CEP126: variants seen among roughly 807,000 people sequenced by gnomAD.
The protein encoded by CEP126 is centrosomal protein of 126 kDa.
CEP126 carries 74 observed loss-of-function variants against 107.8 expected under a neutral mutation model. The observed-to-expected ratio is 0.69, with a 90% confidence interval of 0.57 to 0.83. The LOEUF (loss-of-function observed/expected upper bound fraction) is 0.83, where lower values mean the gene tolerates loss of function less well. CEP126 is among the 40% of genes least tolerant of loss of function. The pLI, the probability that CEP126 is intolerant of heterozygous loss-of-function variation, is 0.00. For missense variants in CEP126, 1,237 were observed against 1,281.9 expected (o/e 0.96, Z 0.53); for synonymous variants, 449 against 446.0 (o/e 1.01, Z -0.08).
Position 101,963,575 on chromosome 11 carries a change from A to G in CEP126, c.2540A>G (p.Glu847Gly), listed in dbSNP as rs539603536. ...AATTCAAAACATGTGCTTCCAACAG[A>G]ACACAGTTTGAATCAGTGGAATCAG... ...SFNSKHVLPT[E>G]HSLNQWNQES... Residue 847 changes from glutamate to glycine, a missense_variant, in exon 6 of 11, where the codon GAA (glutamate) becomes GGA (glycine). Coordinates refer to ENST00000263468, the MANE Select transcript of CEP126 (RefSeq NM_020802.4). 2.3e-5 allele frequency: 37 copies of G among 1,614,074 alleles called. No individual in the cohort carries two copies. In the Middle Eastern group the frequency reaches 8.2e-4, roughly 36 times the overall value.
At chr11:101,917,071 T>C (rs1206122331) in intron 1 of CEP126, among the ~76,000 whole-genome samples, 2 of 143,316 alleles carry the variant, frequency 1.4e-5, no homozygotes, top group Non-Finnish European at 3.0e-5. Context: ...TGTGTGTGTG[T>C]GTGTGCTGGT....
intron 6 of CEP126, among the ~76,000 whole-genome samples, chr11:101,971,469 A>G (rs1368648839): frequency 1.3e-5 from 2 of 152,244 alleles, no homozygotes; most frequent in Non-Finnish European, 2.9e-5. Context: ...AGTTAAGTTC[A>G]GTTTAGCAGA....
At chr11:101,977,834 A>T (rs1408176264) in intron 6 of CEP126, among the ~76,000 whole-genome samples, 1 of 152,088 alleles carries the variant, frequency 6.6e-6, no homozygotes, top group Non-Finnish European at 1.5e-5. Flanking sequence ...ATTTTAGTAC[A>T]TTGCAGGAAG....
chr11:101,994,955 G>A (rs4754827), intron 10 of CEP126, among the ~76,000 whole-genome samples: 8,940 of 150,406 alleles, frequency 0.059, 483 homozygotes, highest in East Asian at 0.27. Context: ...TACATGTCCC[G>A]TGGTGGTTTG....
intron 2 of CEP126, among the ~76,000 whole-genome samples, chr11:101,937,718 C>A (rs113786246): frequency 1.3e-5 from 2 of 151,954 alleles, no homozygotes; most frequent in South Asian, 2.1e-4. Context: ...CTCTTTTAAA[C>A]GTTTGACAAA....
chr11:101,941,679 T>C (rs1018231796), intron 2 of CEP126, among the ~76,000 whole-genome samples: 4 of 152,172 alleles, frequency 2.6e-5, no homozygotes, highest in Non-Finnish European at 5.9e-5. Flanking sequence ...TTTTATCATA[T>C]GGTAATTCTA....
intron 4 of CEP126, among the ~76,000 whole-genome samples, chr11:101,957,625 G>C (rs922064485): frequency 7.1e-6 from 1 of 140,186 alleles, no homozygotes; most frequent in Non-Finnish European, 1.6e-5. Flanking sequence ...TGAGTACTTG[G>C]CCTCCATTGA....
At chr11:101,989,034 C>T (rs1250428438) in intron 9 of CEP126, among the ~76,000 whole-genome samples, 14 of 151,928 alleles carry the variant, frequency 9.2e-5, no homozygotes, top group Admixed American at 8.5e-4. Context: ...TGTAAGTAAA[C>T]GTACAACCTT....
intron 7 of CEP126, among the ~76,000 whole-genome samples, chr11:101,981,679 C>T (rs1355808598): frequency 1.3e-5 from 2 of 152,072 alleles, no homozygotes; most frequent in Non-Finnish European, 2.9e-5. Context: ...TTTTTGTGGA[C>T]ATAAAACATT....
intron 2 of CEP126, 82 bp downstream of exon 2, chr11:101,922,842 T>C: frequency 2.8e-6 from 3 of 1,082,426 alleles, no homozygotes; most frequent in Non-Finnish European, 4.0e-6. Flanking sequence ...TAGCACTTTA[T>C]GAAACTAAGT....
chr11:101,987,169 C>T (rs1941326426), intron 9 of CEP126, 128 bp downstream of exon 9: 1 of 626,626 alleles, frequency 1.6e-6, no homozygotes, highest in Non-Finnish European at 2.8e-6. Flanking sequence ...TACCTGAGTG[C>T]ATAACCATTC....
At chr11:101,997,564 T>A (rs780320875) in intron 10 of CEP126, 35 bp from the exon 11 acceptor site, 2 of 1,613,886 alleles carry the variant, frequency 1.2e-6, no homozygotes, top group Admixed American at 3.3e-5. Context: ...TTTTGGCATG[T>A]GTTTGCATGC....
chr11:101,930,518 A>G (rs1228578329), intron 2 of CEP126, among the ~76,000 whole-genome samples: 1 of 152,198 alleles, frequency 6.6e-6, no homozygotes, highest in Non-Finnish European at 1.5e-5. Flanking sequence ...AAGAGTGACC[A>G]GCAGCAAGAT....
intron 6 of CEP126, among the ~76,000 whole-genome samples, chr11:101,966,363 T>G (rs1285279825): frequency 2.0e-5 from 3 of 152,200 alleles, no homozygotes; most frequent in Non-Finnish European, 4.4e-5. Context: ...GGATTTTTTT[T>G]CCTACTCTCT....
intron 6 of CEP126, among the ~76,000 whole-genome samples, chr11:101,976,619 G>T (rs12797831): frequency 0.14 from 21,100 of 152,140 alleles, 1,913 homozygotes; most frequent in Middle Eastern, 0.22. Flanking sequence ...CGATGCCCCA[G>T]ACCAATTGAA....
At chr11:101,923,485 G>A (rs1940363011) in intron 2 of CEP126, among the ~76,000 whole-genome samples, 1 of 152,020 alleles carries the variant, frequency 6.6e-6, no homozygotes, top group Admixed American at 6.5e-5. Flanking sequence ...TATATGAATA[G>A]CAGAAAATCC....
chr11:101,979,353 A>G (rs537637319), intron 7 of CEP126, among the ~76,000 whole-genome samples: 1 of 152,340 alleles, frequency 6.6e-6, no homozygotes, highest in East Asian at 1.9e-4. Context: ...AAATACATAA[A>G]GAATATGCTC....
intron 2 of CEP126, among the ~76,000 whole-genome samples, chr11:101,943,503 CT>C (rs397705130): frequency 0.049 from 6,857 of 141,060 alleles, 201 homozygotes; most frequent in African/African-American, 0.096. Context: ...CTTGCCTTTT[CT>C]TTTTTTTTTT....
At position 101,963,029 on chromosome 11, in the gene CEP126, T is replaced by C; in HGVS notation, c.1994T>C (p.Ile665Thr). 6.2e-7 allele frequency: 1 copy of C among 1,614,056 alleles called. No homozygotes were observed. Among genetic ancestry groups the C allele is most frequent in the South Asian group, 1.1e-5 (1 of 91,038 alleles). The change falls in exon 6 of 11, where the codon ATT becomes ACT. Residue 665 changes from isoleucine to threonine, a missense_variant. Transcript: ENST00000263468. ...TTQQHSQQFH[I>T]QSGAGSNIIS... ...CAACAGCATTCTCAACAATTCCACA[T>C]TCAAAGTGGTGCTGGAAGCAACATA...
Sources: allele counts gnomAD v4.1 joint callset (sites outside exome capture counted in the v4.1 genomes callset), GRCh38; gene constraint gnomAD v4.1.1; transcripts MANE v1.5; gene names NCBI Gene and HGNC (gene_info 2026-07-23, HGNC 2026-07-21).